The following FRRS1 variants were observed in gnomAD, a reference collection of about 807,000 sequenced individuals.
FRRS1 encodes the protein ferric reductase 1.
Under a neutral mutation model 70.7 loss-of-function variants are expected in FRRS1, and 51 were observed. That is an observed-to-expected ratio of 0.72 (90% CI 0.58 to 0.91). FRRS1 has a LOEUF of 0.91. FRRS1 is among the 40% of genes least tolerant of loss of function. The pLI, the probability that FRRS1 is intolerant of heterozygous loss-of-function variation, is 0.00. For missense variants in FRRS1, 672 were observed against 726.0 expected (o/e 0.93, Z 0.86); for synonymous variants, 225 against 238.7 (o/e 0.94, Z 0.53).
At chr1:99,717,357 T>C in intron 11 of FRRS1, 53 bp downstream of exon 11, 1 of 1,117,308 alleles carries the variant, frequency 9.0e-7, no homozygotes. Context: ...TGTTTTCATG[T>C]TGCAATGTTC....
Position 99,704,949 on chromosome 1 carries a change from A to G in FRRS1, c.*4079T>C, listed in dbSNP as rs1178127591. Among the ~76,000 whole-genome samples, 1 of 152,166 alleles carries G rather than the reference A, an allele frequency of 6.6e-6. No homozygotes were observed. Among genetic ancestry groups the G allele is most frequent in the Non-Finnish European group, 1.5e-5 (1 of 68,028 alleles). ...AGTAAAACCTTGCACTCGTTCTTCA[A>G]GCCCAGGTGTGATCCGATTCTCCTG... is the stretch of plus-strand genomic sequence containing the variant. On this transcript the variant is annotated 3_prime_UTR_variant, in exon 17 of 17. Coordinates refer to ENST00000646001, the MANE Select transcript of FRRS1 (RefSeq NM_001361041.2).
intron 5 of FRRS1, among the ~76,000 whole-genome samples, chr1:99,741,827 A>G (rs1420540194): frequency 6.6e-6 from 1 of 152,226 alleles, no homozygotes; most frequent in Non-Finnish European, 1.5e-5. Flanking sequence ...TGTCTATTAA[A>G]TGTGTATTTT....
Position 99,748,674 on chromosome 1 carries a change from C to T in FRRS1, c.95G>A (p.Cys32Tyr). ...ACCATGTTCAGGAATCATTCCATGG[C>T]ATGACTGTGTTACTTTTCCATTGGG... ...NYPNGKVTQS[C>Y]HGMIPEHGHS... The change falls in exon 3 of 17, where the codon TGC (cysteine) becomes TAC (tyrosine). Residue 32 changes from cysteine to tyrosine, a missense_variant. Physicochemically the swap from Cys to Tyr is radical, Grantham distance 194. Transcript: ENST00000646001. The T allele has an allele frequency of 6.2e-7, 1 of 1,613,686 alleles. No homozygotes were observed. Among genetic ancestry groups the T allele is most frequent in the Non-Finnish European group, 8.5e-7 (1 of 1,179,618 alleles).
intron 1 of FRRS1, among the ~76,000 whole-genome samples, chr1:99,756,407 A>T (rs1335644603): frequency 1.3e-5 from 2 of 151,872 alleles, no homozygotes; most frequent in African/African-American, 4.8e-5. Flanking sequence ...GACTGCTAAC[A>T]CCATGTTCTA....
Position 99,707,026 on chromosome 1 carries a change from AT to A in FRRS1, c.*2001del, listed in dbSNP as rs1392542067. The stretch of plus-strand genomic sequence containing the variant: ...GTACACACTTAATTTGCTATACTAA[AT>A]TTTTTTAATAAAGACCTTCAAAAGG... On this transcript the variant is annotated 3_prime_UTR_variant, in exon 17 of 17. Coordinates refer to ENST00000646001, the MANE Select transcript of FRRS1 (RefSeq NM_001361041.2). 6.6e-6 allele frequency among the ~76,000 whole-genome samples: 1 copy of A among 152,196 alleles called. No individual in the cohort carries two copies. Among genetic ancestry groups the A allele is most frequent in the African/African-American group, 2.4e-5 (1 of 41,454 alleles).
chr1:99,715,746 G>A, intron 11 of FRRS1, 74 bp from the exon 12 acceptor site: 1 of 988,622 alleles, frequency 1.0e-6, no homozygotes, highest in Non-Finnish European at 1.6e-6. Flanking sequence ...CGGGGAAAAT[G>A]GGGAAAAGAC....
chr1:99,716,340 T>G lies in FRRS1; in HGVS notation c.1237-668A>C, dbSNP rs544622590. On this transcript the variant is annotated intron_variant, in intron 11 of 16. Transcript: ENST00000646001. Reference sequence around the variant, plus strand: ...GACAGAGATAAAACTATGACATGTATGTACACACATCATCAGCATCATAAA... The same window carrying G: ...GACAGAGATAAAACTATGACATGTAGGTACACACATCATCAGCATCATAAA... Among the ~76,000 whole-genome samples, 6 of 152,246 alleles carry G rather than the reference T, an allele frequency of 3.9e-5. No individual in the cohort carries two copies. In the South Asian group the frequency reaches 1.0e-3, roughly 26 times the overall value.
chr1:99,764,377 T>C (rs1012771555), intron 1 of FRRS1, among the ~76,000 whole-genome samples: 2 of 152,228 alleles, frequency 1.3e-5, no homozygotes, highest in African/African-American at 2.4e-5. Context: ...ATGCCCTTTA[T>C]AATGTGCATT....
chr1:99,750,799 A>T (rs1656535215), intron 1 of FRRS1, among the ~76,000 whole-genome samples: 1 of 152,154 alleles, frequency 6.6e-6, no homozygotes. Flanking sequence ...ATTATTTGAA[A>T]AAATTATGAC....
intron 15 of FRRS1, among the ~76,000 whole-genome samples, chr1:99,710,154 T>C (rs1654206992): frequency 6.6e-6 from 1 of 152,140 alleles, no homozygotes; most frequent in South Asian, 2.1e-4. Flanking sequence ...ATTTTTGTTT[T>C]TAGAAGGCCA....
rs1278032044 is a variant in FRRS1, at chr1:99,718,739, T to A, written c.1120+795A>T. 2.0e-5 allele frequency among the ~76,000 whole-genome samples: 3 copies of A among 152,206 alleles called. No individual in the cohort carries two copies. The South Asian group carries it at 6.2e-4, about 32-fold the overall frequency. On this transcript the variant is annotated intron_variant, in intron 10 of 16. Transcript: ENST00000646001. ...CATACTTTGTATGCTCTCAAATACT[T>A]GTACATTGATCAATGCAACAATAAA...
intron 1 of FRRS1, among the ~76,000 whole-genome samples, chr1:99,766,251 A>G (rs1657346477): frequency 6.6e-6 from 1 of 152,172 alleles, no homozygotes; most frequent in African/African-American, 2.4e-5. Flanking sequence ...AGCTTTAAAT[A>G]TAAAAAAAGA....
chr1:99,738,939 A>AG (rs1179878018), intron 6 of FRRS1, among the ~76,000 whole-genome samples: 3 of 152,212 alleles, frequency 2.0e-5, no homozygotes. Context: ...AGAAAAAAAA[A>AG]TCAGCTGTAT....
At chr1:99,754,430 G>C (rs980775195) in intron 1 of FRRS1, among the ~76,000 whole-genome samples, 4 of 151,826 alleles carry the variant, frequency 2.6e-5, no homozygotes, top group African/African-American at 7.3e-5. Flanking sequence ...AATTAGCTAT[G>C]GTCACACCAC....
chr1:99,721,814 G>GT (rs2100923162), intron 9 of FRRS1, among the ~76,000 whole-genome samples: 1 of 151,816 alleles, frequency 6.6e-6, no homozygotes, highest in Non-Finnish European at 1.5e-5. Context: ...GGCCAGGCTG[G>GT]TCTTGAACTC....
chr1:99,714,269 C>T (rs528565870), intron 12 of FRRS1, among the ~76,000 whole-genome samples: 37 of 151,820 alleles, frequency 2.4e-4, no homozygotes, highest in Admixed American at 2.2e-3. Flanking sequence ...CTGCAACCTC[C>T]GCCTCCCAGG....
chr1:99,709,199 T>A lies in FRRS1; in HGVS notation c.1685A>T (p.Glu562Val), dbSNP rs1654160690. 6.2e-7 allele frequency: 1 copy of A among 1,609,198 alleles called. No individual in the cohort carries two copies. The highest frequency in any genetic ancestry group is 1.3e-5 in the African/African-American group (1 of 74,796). Reference protein sequence around the residue: ...ILQSFTAVETEGHAFKKAVLA... With the variant: ...ILQSFTAVETVGHAFKKAVLA... ...TCAATGAACAAGAAAAGGACTTACC[T>A]CTGTTTCCACTGCAGTAAATGACTG... The change falls in exon 16 of 17, where the codon GAG (glutamate) becomes GTG (valine). Residue 562 changes from glutamate (E) to valine (V), a missense_variant and splice_region_variant. By Grantham distance (121) the Glu-to-Val change is moderately radical. Transcript: ENST00000646001.
intron 10 of FRRS1, 117 bp from the exon 11 acceptor site, chr1:99,717,642 T>G: frequency 1.4e-6 from 1 of 691,080 alleles, no homozygotes; most frequent in Non-Finnish European, 2.6e-6. Context: ...TCAGCTGACA[T>G]AAGTACAACC....
At chr1:99,748,527 A>G (rs1557703911) in intron 3 of FRRS1, 46 bp downstream of exon 3, 1 of 1,378,252 alleles carries the variant, frequency 7.3e-7, no homozygotes, top group Non-Finnish European at 1.0e-6. Context: ...AATAAACAGT[A>G]AAAGAGTGAA....
Sources: gnomAD v4.1 joint callset for allele counts (sites outside exome capture counted in the v4.1 genomes callset) on GRCh38, gnomAD v4.1.1 for gene constraint, MANE v1.5 for transcripts, NCBI Gene and HGNC (gene_info 2026-07-23, HGNC 2026-07-21) for gene names.